Variants in RIMS3 observed in about 807,000 individuals in gnomAD.
RIMS3 encodes regulating synaptic membrane exocytosis protein 3.
RIMS3 carries 15 observed loss-of-function variants against 29.2 expected under a neutral mutation model. The ratio of observed to expected loss-of-function variants is 0.51; its 90% CI spans 0.34 to 0.79. The LOEUF is 0.79. Ranked by LOEUF, RIMS3 falls within the 30% of genes least tolerant of loss-of-function variation. The pLI is 0.01. For missense variants in RIMS3, 342 were observed against 421.4 expected (o/e 0.81, Z 1.65); for synonymous variants, 161 against 170.1 (o/e 0.95, Z 0.41).
chr1:40,666,394 G>C (rs1642425788), upstream of RIMS3, among the ~76,000 whole-genome samples: 1 of 152,184 alleles, frequency 6.6e-6, no homozygotes, highest in African/African-American at 2.4e-5. Context: ...CGCCTTCAAT[G>C]CACAGGACAG....
chr1:40,630,044 C>T lies in RIMS3; in HGVS notation c.473-672G>A, dbSNP rs1646479240. Among the ~76,000 whole-genome samples, 3 of 146,226 alleles carry T rather than the reference C, an allele frequency of 2.1e-5. No individual in the cohort carries two copies. In the South Asian group the frequency reaches 6.5e-4, roughly 32 times the overall value. On this transcript the variant is annotated intron_variant, in intron 5 of 7. Coordinates refer to ENST00000372684, the MANE Select transcript of RIMS3 (RefSeq NM_014747.3). ...CCAAGATTGCACCACAGCACTCCGGCCTGGGTGACGAGGAAGACTCCGTCT... is the reference window on the plus strand; with the variant it reads ...CCAAGATTGCACCACAGCACTCCGGTCTGGGTGACGAGGAAGACTCCGTCT...
chr1:40,655,432 C>T (rs957723522), intron 1 of RIMS3, among the ~76,000 whole-genome samples: 36 of 152,132 alleles, frequency 2.4e-4, no homozygotes, highest in African/African-American at 8.7e-4. Context: ...TCCATGAGCC[C>T]CCCTCCCAAG....
chr1:40,684,720 T>C, the RIMS3 span, among the ~76,000 whole-genome samples: 2 of 152,242 alleles, frequency 1.3e-5, no homozygotes, highest in South Asian at 2.1e-4. Context: ...ACAGGTTGTA[T>C]GGAGAAATTT....
chr1:40,655,875 T>C (rs1642265783), intron 1 of RIMS3, among the ~76,000 whole-genome samples: 1 of 152,206 alleles, frequency 6.6e-6, no homozygotes, highest in Admixed American at 6.5e-5. Flanking sequence ...TAGCCGGGCA[T>C]GGTGGCACGC....
intron 1 of RIMS3, among the ~76,000 whole-genome samples, chr1:40,650,604 G>A (rs910573475): frequency 6.6e-6 from 1 of 151,962 alleles, no homozygotes; most frequent in East Asian, 1.9e-4. Context: ...GCTCATGCTT[G>A]TAATCCCAGC....
At chr1:40,658,950 G>A (rs1570202551) in intron 1 of RIMS3, among the ~76,000 whole-genome samples, 1 of 152,194 alleles carries the variant, frequency 6.6e-6, no homozygotes, top group East Asian at 1.9e-4. Context: ...CCGGAGGTAC[G>A]CAGATGAACA....
chr1:40,629,658 G>A (rs1646477147), intron 5 of RIMS3, among the ~76,000 whole-genome samples: 1 of 152,280 alleles, frequency 6.6e-6, no homozygotes, highest in Admixed American at 6.5e-5. Context: ...CTGGCTAACT[G>A]AGAGGCTTCT....
At chr1:40,670,480 T>C (rs989210598), upstream of RIMS3, among the ~76,000 whole-genome samples, 2 of 150,880 alleles carry the variant, frequency 1.3e-5, no homozygotes, top group Non-Finnish European at 2.9e-5. Context: ...ATAATGGGAA[T>C]ATTTAGAGTT....
At chr1:40,653,456 G>T (rs1308483540) in intron 1 of RIMS3, among the ~76,000 whole-genome samples, 1 of 152,162 alleles carries the variant, frequency 6.6e-6, no homozygotes, top group African/African-American at 2.4e-5. Flanking sequence ...AGCTCAGGAT[G>T]CAGGAGGGAG....
intron 2 of RIMS3, among the ~76,000 whole-genome samples, chr1:40,645,657 T>C (rs1646590404): frequency 6.6e-6 from 1 of 152,098 alleles, no homozygotes; most frequent in Non-Finnish European, 1.5e-5. Flanking sequence ...GGACCATAGC[T>C]GGAGAAGCAA....
intron 2 of RIMS3, among the ~76,000 whole-genome samples, chr1:40,643,478 CTT>C (rs34292781): frequency 5.2e-5 from 7 of 133,574 alleles, no homozygotes; most frequent in South Asian, 2.4e-4. Flanking sequence ...ATCTTTCTCT[CTT>C]TTTTTTTTTT....
chr1:40,659,835 G>A (rs1050118579), intron 1 of RIMS3, among the ~76,000 whole-genome samples: 1 of 152,174 alleles, frequency 6.6e-6, no homozygotes, highest in African/African-American at 2.4e-5. Flanking sequence ...AGCTGAGGGA[G>A]AGTGGCAGAA....
At position 40,628,946 on chromosome 1, in the gene RIMS3, G is replaced by T. The variant is rs975232813; in HGVS notation, c.578C>A (p.Thr193Asn). The change falls in exon 7 of 8, where the codon ACC becomes AAC. Residue 193 changes from threonine to asparagine, a missense_variant. Transcript: ENST00000372684. The stretch of plus-strand genomic sequence containing the variant: ...CTCCAGCAGGTAAACCTTGATATAG[G>T]TGGCTAAGGGAGGAGAGAATGTATG... Reference protein sequence around the residue: ...PKPGSKSLPATYIKVYLLENG... With the variant: ...PKPGSKSLPANYIKVYLLENG... 1.2e-5 allele frequency: 20 copies of T among 1,613,126 alleles called. No individual in the cohort carries two copies. Among genetic ancestry groups the T allele is most frequent in the Non-Finnish European group, 1.7e-5 (20 of 1,180,010 alleles).
intron 1 of RIMS3, among the ~76,000 whole-genome samples, chr1:40,664,427 A>G (rs373105032): frequency 2.4e-4 from 37 of 152,266 alleles, no homozygotes; most frequent in African/African-American, 8.7e-4. Flanking sequence ...TCAGGCCCCA[A>G]ACCCAAGGAA....
the RIMS3 span, among the ~76,000 whole-genome samples, chr1:40,682,231 G>A: frequency 6.6e-6 from 1 of 152,154 alleles, no homozygotes; most frequent in African/African-American, 2.4e-5. Flanking sequence ...TTCATTCAAT[G>A]TTGTTGTTTA....
At chr1:40,626,826 G>A (rs901448636) in intron 7 of RIMS3, 97 bp from the exon 8 acceptor site, 115 of 1,036,298 alleles carry the variant, frequency 1.1e-4, no homozygotes, top group Non-Finnish European at 1.9e-5. Flanking sequence ...GGGCACAGAT[G>A]GAGCAGAGGG....
In RIMS3 at chr1:40,641,703, C is replaced by A; in HGVS notation, c.217+6G>T. On this transcript the variant is annotated splice_donor_region_variant and intron_variant, in intron 3 of 7. Transcript: ENST00000372684. ...CTCTACCCCGTGATGTCCCATGCCC[C>A]CTCACCAGGCTGCGGAAGCTGGAGT... is the stretch of plus-strand genomic sequence containing the variant. 6.2e-7 allele frequency: 1 copy of A among 1,614,040 alleles called. No individual in the cohort carries two copies. Among genetic ancestry groups the A allele is most frequent in the Non-Finnish European group, 8.5e-7 (1 of 1,179,942 alleles).
the RIMS3 span, among the ~76,000 whole-genome samples, chr1:40,685,211 G>C: frequency 6.6e-6 from 1 of 150,806 alleles, no homozygotes; most frequent in Non-Finnish European, 1.5e-5. Context: ...CTTCATGTTA[G>C]TTCAGAGTCT....
At chr1:40,660,588 C>T (rs1642338336) in intron 1 of RIMS3, among the ~76,000 whole-genome samples, 1 of 151,832 alleles carries the variant, frequency 6.6e-6, no homozygotes, top group Admixed American at 6.6e-5. Flanking sequence ...CCATGTTGCC[C>T]AGGCTGGTCT....
Sources: allele counts gnomAD v4.1 joint callset (sites outside exome capture counted in the v4.1 genomes callset), GRCh38; gene constraint gnomAD v4.1.1; transcripts MANE v1.5; gene names NCBI Gene and HGNC (gene_info 2026-07-23, HGNC 2026-07-21).